Variants in MMRN1 observed in about 807,000 individuals in gnomAD.
MMRN1 encodes the protein multimerin 1.
Under a neutral mutation model 100.7 loss-of-function variants are expected in MMRN1, and 94 were observed. The ratio of observed to expected loss-of-function variants is 0.93; its 90% CI spans 0.79 to 1.11. MMRN1 has a LOEUF of 1.11. MMRN1 is among the 50% of genes least tolerant of loss of function. MMRN1 has a pLI of 0.00. For missense variants in MMRN1, 1,606 were observed against 1,439.1 expected (o/e 1.12, Z -1.88); for synonymous variants, 575 against 505.0 (o/e 1.14, Z -1.86).
chr4:89,895,019 G>A lies in MMRN1; in HGVS notation c.48G>A (p.Gly16=). ...TCCTTCTTTCTAGTTTATGGAGTGG[G>A]GGCATTGGGCTTAACAACAGTAAGC... The part of the protein sequence containing the change: ...LFVLLSSLWS[G]GIGLNNSKHS... Residue 16 remains glycine, a synonymous_variant, in exon 1 of 8, where the codon GGG becomes GGA. Coordinates refer to ENST00000264790, the MANE Select transcript of MMRN1 (RefSeq NM_007351.3). 1.2e-6 allele frequency: 2 copies of A among 1,613,734 alleles called. No homozygotes were observed. The highest frequency in any genetic ancestry group is 1.7e-6 in the Non-Finnish European group (2 of 1,179,762).
intron 1 of MMRN1, among the ~76,000 whole-genome samples, chr4:89,886,798 C>T (rs1720946460): frequency 1.3e-5 from 2 of 152,006 alleles, no homozygotes; most frequent in Non-Finnish European, 2.9e-5. Context: ...GTTTAATTAT[C>T]AAATCAAGGT....
intron 1 of MMRN1, among the ~76,000 whole-genome samples, chr4:89,889,491 TC>T (rs1423835880): frequency 1.3e-5 from 2 of 152,032 alleles, no homozygotes; most frequent in Non-Finnish European, 2.9e-5. Context: ...AGGTTTCAGT[TC>T]CCTGCCAGCC....
At chr4:89,880,747 G>C (rs140849397) in intron 1 of MMRN1, among the ~76,000 whole-genome samples, 120 of 152,222 alleles carry the variant, frequency 7.9e-4, no homozygotes, top group Non-Finnish European at 1.6e-3. Flanking sequence ...GTCCTAGGCA[G>C]TGACCCATGT....
At chr4:89,939,626 G>A (rs985511956) in intron 6 of MMRN1, among the ~76,000 whole-genome samples, 2 of 152,112 alleles carry the variant, frequency 1.3e-5, no homozygotes, top group Admixed American at 1.3e-4. Context: ...AAGTGATAGA[G>A]CTTGGCTTCT....
At chr4:89,909,086 C>T (rs17016361) in intron 1 of MMRN1, among the ~76,000 whole-genome samples, 190 bp from the exon 2 acceptor site, 2,005 of 151,454 alleles carry the variant, frequency 0.013, 43 homozygotes, top group African/African-American at 0.045. Flanking sequence ...TCCTTATAGT[C>T]CCTGAGTACA....
intron 5 of MMRN1, among the ~76,000 whole-genome samples, chr4:89,929,930 A>G (rs1170995335): frequency 6.6e-6 from 1 of 152,024 alleles, no homozygotes. Flanking sequence ...AAATGTCTCA[A>G]CTCCGTAAGA....
At chr4:89,882,660 A>G (rs961887375) in intron 1 of MMRN1, among the ~76,000 whole-genome samples, 6 of 152,006 alleles carry the variant, frequency 3.9e-5, no homozygotes, top group African/African-American at 1.4e-4. Context: ...TAAGCAAAAG[A>G]TTGAATACTT....
intron 1 of MMRN1, among the ~76,000 whole-genome samples, chr4:89,905,691 T>TAAAGGGCATGATGGGAAAC (rs1721545282): frequency 6.6e-6 from 1 of 151,460 alleles, no homozygotes; most frequent in Admixed American, 6.6e-5. Context: ...ATCTCTACGT[T>TAAAGGGCATGATGGGAAAC]AAAGGGCATG....
At position 89,953,472 on chromosome 4, in the gene MMRN1, T is replaced by C. The variant is rs999748432; in HGVS notation, c.*54T>C. The C allele has an allele frequency of 6.7e-7, 1 of 1,490,072 alleles. No homozygotes were observed. The allele number at this position is 1,490,072 out of a possible 1,614,324, so 92.3% of individuals were successfully genotyped here. ...TATTGAGAAACAGCCAGTGTTTTCATTTATCTTTGCTTGCACATCTGCTCT... is the reference window on the plus strand; with the variant it reads ...TATTGAGAAACAGCCAGTGTTTTCACTTATCTTTGCTTGCACATCTGCTCT... On this transcript the variant is annotated 3_prime_UTR_variant, in exon 8 of 8. Coordinates refer to ENST00000264790, the MANE Select transcript of MMRN1 (RefSeq NM_007351.3).
At chr4:89,946,911 A>C (rs1311653515) in intron 6 of MMRN1, among the ~76,000 whole-genome samples, 1 of 152,162 alleles carries the variant, frequency 6.6e-6, no homozygotes, top group Non-Finnish European at 1.5e-5. Flanking sequence ...ACTGATCTCC[A>C]TTAAAAAAAA....
At chr4:89,886,029 G>T in intron 1 of MMRN1, among the ~76,000 whole-genome samples, 3 of 147,886 alleles carry the variant, frequency 2.0e-5, no homozygotes, top group African/African-American at 2.5e-5. Context: ...TTTTTTATTA[G>T]CAACTATGCC....
intron 1 of MMRN1, among the ~76,000 whole-genome samples, chr4:89,881,357 A>C (rs1424339845): frequency 6.6e-6 from 1 of 152,134 alleles, no homozygotes; most frequent in African/African-American, 2.4e-5. Flanking sequence ...TGAGGTGTTA[A>C]AGGACTCCAA....
rs1428467866 is a variant in MMRN1 at position 89,935,648 on chromosome 4, A to G, written c.1968A>G (p.Gly656=). Residue 656 remains glycine (G), a synonymous_variant, in exon 6 of 8, where the codon GGA becomes GGG. Transcript: ENST00000264790. ...MEILQPLLEQ[G]ASLRQTMTYE... ...TCCTTCAACCCTTGCTTGAGCAGGG[A>G]GCATCACTCAGACAGACAATGACAT... is the stretch of plus-strand genomic sequence containing the variant. 6.2e-7 allele frequency: 1 copy of G among 1,613,472 alleles called. No homozygotes were observed.
intron 1 of MMRN1, among the ~76,000 whole-genome samples, chr4:89,908,283 C>G (rs559154925): frequency 1.3e-4 from 20 of 151,362 alleles, no homozygotes; most frequent in Non-Finnish European, 3.0e-4. Context: ...CTTTATACAT[C>G]TTGTCCAGAT....
In MMRN1 at chr4:89,936,778, C is replaced by T. The variant is rs188118445; in HGVS notation, c.3098C>T (p.Thr1033Met). 6.8e-5 allele frequency: 108 copies of T among 1,597,118 alleles called. No individual in the cohort carries two copies. Among genetic ancestry groups the T allele is most frequent in the Non-Finnish European group, 8.1e-5 (95 of 1,174,626 alleles). ...TVLIGRTQRN[T>M]DNIIYPEEYS... ...CTGATAGGCCGGACTCAAAGAAACA[C>T]GGACAACATAATATATCCTGGTAAG... The change falls in exon 6 of 8, where the codon ACG (threonine) becomes ATG (methionine). Residue 1033 changes from threonine (T) to methionine (M), a missense_variant. Coordinates refer to ENST00000264790, the MANE Select transcript of MMRN1 (RefSeq NM_007351.3).
chr4:89,921,159 CT>C (rs113785257), intron 3 of MMRN1, among the ~76,000 whole-genome samples: 20,706 of 151,408 alleles, frequency 0.14, 2,008 homozygotes, highest in East Asian at 0.3. Context: ...TGCACCAGCT[CT>C]TTTTTTTTCC....
chr4:89,918,137 A>G (rs1368024828), intron 3 of MMRN1, among the ~76,000 whole-genome samples: 1 of 151,024 alleles, frequency 6.6e-6, no homozygotes, highest in Non-Finnish European at 1.5e-5. Context: ...CAAATAGTAT[A>G]TATACATCTA....
intron 3 of MMRN1, among the ~76,000 whole-genome samples, chr4:89,912,681 A>G (rs1721792360): frequency 6.6e-6 from 1 of 151,246 alleles, no homozygotes; most frequent in Non-Finnish European, 1.5e-5. Flanking sequence ...GAAAAATAAG[A>G]TACAGCATCA....
Position 89,941,323 on chromosome 4 carries a change from C to T in MMRN1, c.3118+4525C>T, listed in dbSNP as rs531132359. Among the ~76,000 whole-genome samples, 3 of 152,188 alleles carry T rather than the reference C, an allele frequency of 2.0e-5. No homozygotes were observed. The East Asian group carries it at 5.8e-4, about 29-fold the overall frequency. ...CTGTGGCTTATTATGGCAAAAAGTT[C>T]GTAACAGGATCAGCTAAGGAAAAAG... On this transcript the variant is annotated intron_variant, in intron 6 of 7. Coordinates refer to ENST00000264790, the MANE Select transcript of MMRN1 (RefSeq NM_007351.3).
Sources: allele counts gnomAD v4.1 joint callset (sites outside exome capture counted in the v4.1 genomes callset), GRCh38; gene constraint gnomAD v4.1.1; transcripts MANE v1.5; gene names NCBI Gene and HGNC (gene_info 2026-07-23, HGNC 2026-07-21).